Variants in ATRNL1 observed in about 807,000 individuals in gnomAD.
ATRNL1 encodes attractin-like protein 1.
A neutral mutation model predicts 182.7 loss-of-function variants in ATRNL1; 95 were observed. The observed-to-expected ratio is 0.52, with a 90% CI of 0.44 to 0.62. The LOEUF is 0.62. Ranked by LOEUF, ATRNL1 falls within the 20% of genes least tolerant of loss-of-function variation. The pLI is 0.00. For missense variants in ATRNL1, 1,471 were observed against 1,679.5 expected (o/e 0.88, Z 2.17); for synonymous variants, 576 against 568.3 (o/e 1.01, Z -0.19).
chr10:115,462,103 AT>A, intron 22 of ATRNL1, 68 bp downstream of exon 22: 2 of 1,109,458 alleles, frequency 1.8e-6, no homozygotes, highest in Non-Finnish European at 1.3e-6. Context: ...ATTTCATTTG[AT>A]TTTACCTCTT....
intron 5 of ATRNL1, among the ~76,000 whole-genome samples, chr10:115,135,050 G>C (rs111397344): frequency 6.6e-6 from 1 of 152,024 alleles, no homozygotes; most frequent in African/African-American, 2.4e-5. Context: ...ATAATAAGAG[G>C]TATTTATGAC....
At position 115,249,273 on chromosome 10, in the gene ATRNL1, C is replaced by G. The variant is rs781894196; in HGVS notation, c.1687+7548C>G. Among the ~76,000 whole-genome samples the G allele has an allele frequency of 3.9e-5, 6 of 152,136 alleles. No homozygotes were observed. In the South Asian group the frequency reaches 1.0e-3, roughly 26 times the overall value. ...CCTCCCAAAGTGCTGGGATTACATGCGTGAGCCACCGTGCCTGGCCAAAAG... is the reference window on the plus strand; with the variant it reads ...CCTCCCAAAGTGCTGGGATTACATGGGTGAGCCACCGTGCCTGGCCAAAAG... On this transcript the variant is annotated intron_variant, in intron 10 of 28. Transcript: ENST00000355044.
intron 28 of ATRNL1, among the ~76,000 whole-genome samples, chr10:115,853,289 T>TA (rs1447868763): frequency 7.2e-5 from 11 of 152,172 alleles, no homozygotes; most frequent in Admixed American, 6.5e-4. Context: ...TCCTTACATT[T>TA]AAAAAAATCT....
At position 115,723,546 on chromosome 10, in the gene ATRNL1, T is replaced by TTATTTATTTATTTATC. The variant is rs1947499515; in HGVS notation, c.3796-3687_3796-3686insCTATTTATTTATTTAT. 2.0e-5 allele frequency among the ~76,000 whole-genome samples: 3 copies of TTATTTATTTATTTATC among 151,140 alleles called. No homozygotes were observed. The Admixed American group carries it at 2.0e-4, about 10-fold the overall frequency. ...ATTCTTTTCTTTTGTATTTATTTAT[T>TTATTTATTTATTTATC]TATTTATTTATTTATTTTTGAGACG... On this transcript the variant is annotated intron_variant, in intron 26 of 28. Transcript: ENST00000355044.
rs534358965 is a variant in ATRNL1 at position 115,700,037 on chromosome 10, A to G, written c.3796-27211A>G. 1.0e-3 allele frequency among the ~76,000 whole-genome samples: 155 copies of G among 152,256 alleles called. 1 individual carries two copies. The highest frequency in any genetic ancestry group is 3.6e-3 in the African/African-American group (149 of 41,548). On this transcript the variant is annotated intron_variant, in intron 26 of 28. Coordinates refer to ENST00000355044, the MANE Select transcript of ATRNL1 (RefSeq NM_207303.4). ...CAAGATTTCATTCATTTTTATGGCT[A>G]TGTAGAATTCCATGGTGTATATGTA...
chr10:115,366,765 C>G (rs1857066207), intron 19 of ATRNL1, among the ~76,000 whole-genome samples: 1 of 150,870 alleles, frequency 6.6e-6, no homozygotes, highest in Non-Finnish European at 1.5e-5. Context: ...TTTTATTTCT[C>G]CTTCACTTAT....
At position 115,276,051 on chromosome 10, in the gene ATRNL1, C is replaced by T. The variant is rs137944318; in HGVS notation, c.2101-5304C>T. ...GTCTATCATTTTCCAATACTTTTAC[C>T]GTTCTGGAGGCTGGGAAGTCCAAGA... On this transcript the variant is annotated intron_variant, in intron 13 of 28. Coordinates refer to ENST00000355044, the MANE Select transcript of ATRNL1 (RefSeq NM_207303.4). Among the ~76,000 whole-genome samples, 15 of 152,022 alleles carry T rather than the reference C, an allele frequency of 9.9e-5. No homozygotes were observed. The East Asian group carries it at 2.1e-3, about 22-fold the overall frequency.
chr10:115,752,166 G>T (rs1237951545), intron 27 of ATRNL1, among the ~76,000 whole-genome samples: 1 of 151,946 alleles, frequency 6.6e-6, no homozygotes, highest in Non-Finnish European at 1.5e-5. Flanking sequence ...GATAGAGGAT[G>T]GAGTTCATTA....
intron 28 of ATRNL1, among the ~76,000 whole-genome samples, chr10:115,925,215 T>G (rs916121260): frequency 2.6e-5 from 4 of 152,166 alleles, no homozygotes; most frequent in Non-Finnish European, 4.4e-5. Flanking sequence ...TTACTTCCTC[T>G]CTTCCTATTT....
chr10:115,330,133 C>T (rs1014160661), intron 18 of ATRNL1, among the ~76,000 whole-genome samples: 13 of 152,016 alleles, frequency 8.6e-5, no homozygotes, highest in East Asian at 5.8e-4. Context: ...TAATTTTGGT[C>T]GGAAGAAAAG....
At chr10:115,557,927 C>A (rs1554997595) in intron 26 of ATRNL1, among the ~76,000 whole-genome samples, 1 of 151,882 alleles carries the variant, frequency 6.6e-6, no homozygotes, top group Admixed American at 6.6e-5. Flanking sequence ...CGCCTGTAGT[C>A]CCAAGTACTT....
chr10:115,576,296 A>AT (rs1191761109), intron 26 of ATRNL1, among the ~76,000 whole-genome samples: 4 of 151,824 alleles, frequency 2.6e-5, no homozygotes, highest in African/African-American at 9.7e-5. Context: ...TCTTTTTTTC[A>AT]TTTTTTGAGG....
chr10:115,706,159 C>A (rs1475944627), intron 26 of ATRNL1, among the ~76,000 whole-genome samples: 1 of 151,846 alleles, frequency 6.6e-6, no homozygotes, highest in Non-Finnish European at 1.5e-5. Context: ...CAAGCCCCTG[C>A]TAGAGGCTGT....
intron 26 of ATRNL1, among the ~76,000 whole-genome samples, chr10:115,619,489 G>A (rs1163143621): frequency 6.6e-6 from 1 of 152,086 alleles, no homozygotes; most frequent in Non-Finnish European, 1.5e-5. Flanking sequence ...GTGCTGGGTG[G>A]GCCAGTCTTC....
At chr10:115,802,963 G>A (rs1949832282) in intron 27 of ATRNL1, among the ~76,000 whole-genome samples, 1 of 152,108 alleles carries the variant, frequency 6.6e-6, no homozygotes, top group South Asian at 2.1e-4. Flanking sequence ...TCAACAGCTT[G>A]CAACATTTGT....
At chr10:115,910,629 A>G (rs1234354639) in intron 28 of ATRNL1, among the ~76,000 whole-genome samples, 3 of 152,046 alleles carry the variant, frequency 2.0e-5, no homozygotes, top group African/African-American at 7.2e-5. Context: ...TACAGGATAT[A>G]TATGTGTGTA....
At chr10:115,886,318 C>T (rs782576572) in intron 28 of ATRNL1, among the ~76,000 whole-genome samples, 24 of 152,146 alleles carry the variant, frequency 1.6e-4, no homozygotes, top group Non-Finnish European at 3.1e-4. Context: ...GTTTCGAGAC[C>T]AGCCTGACTA....
chr10:115,130,867 C>T (rs1845201579), intron 5 of ATRNL1, among the ~76,000 whole-genome samples: 1 of 152,092 alleles, frequency 6.6e-6, no homozygotes, highest in Non-Finnish European at 1.5e-5. Flanking sequence ...TATTAGTCTC[C>T]ACCTCATTTC....
At chr10:115,384,125 A>T (rs1554951970) in intron 19 of ATRNL1, among the ~76,000 whole-genome samples, 2 of 152,054 alleles carry the variant, frequency 1.3e-5, no homozygotes, top group Non-Finnish European at 2.9e-5. Flanking sequence ...GCACTAAAAG[A>T]TGCAAAACCT....
Sources: gnomAD v4.1 joint callset for allele counts (sites outside exome capture counted in the v4.1 genomes callset) on GRCh38, gnomAD v4.1.1 for gene constraint, MANE v1.5 for transcripts, NCBI Gene and HGNC (gene_info 2026-07-23, HGNC 2026-07-21) for gene names.